Variants in COL6A5 observed in about 807,000 individuals in gnomAD.
COL6A5 encodes collagen alpha-5(VI) chain.
A neutral mutation model predicts 65.6 loss-of-function variants in COL6A5; 48 were observed. The observed-to-expected ratio is 0.73, with a 90% confidence interval of 0.58 to 0.93. The LOEUF (loss-of-function observed/expected upper bound fraction) is 0.93. Among genes scored for constraint, COL6A5 ranks in the 40% least tolerant of loss-of-function variants. The pLI is 0.00. For synonymous variants in COL6A5, 291 were observed against 322.8 expected, an observed-to-expected ratio of 0.90 and a Z score of 1.05; for missense variants, 914 against 928.3, an observed-to-expected ratio of 0.98 and a Z score of 0.20.
chr3:130,475,161 G>T (rs975189169), intron 7 of COL6A5, among the ~76,000 whole-genome samples: 2 of 151,766 alleles, frequency 1.3e-5, no homozygotes, highest in Admixed American at 1.3e-4. Flanking sequence ...GTATCAGAGG[G>T]TCTAACATTT....
chr3:130,416,701 G>A, intron 23 of COL6A5, 56 bp from the exon 24 acceptor site: 4 of 968,266 alleles, frequency 4.1e-6, no homozygotes, highest in Non-Finnish European at 6.3e-6. Context: ...TGTTTCTAAT[G>A]GGCTTTCTAA....
At chr3:130,378,964 C>T (rs575123682) in intron 3 of COL6A5, among the ~76,000 whole-genome samples, 1 of 152,160 alleles carries the variant, frequency 6.6e-6, no homozygotes, top group Non-Finnish European at 1.5e-5. Context: ...TCTGCTAACT[C>T]ATCCCTGCAT....
rs555143119 is a variant in COL6A5 at position 130,407,488 on chromosome 3, A to T, written c.4479+1167A>T. Among the ~76,000 whole-genome samples the T allele has an allele frequency of 2.6e-5, 4 of 152,378 alleles. No homozygotes were observed. The South Asian group carries it at 8.3e-4, about 32-fold the overall frequency. On this transcript the variant is annotated intron_variant and NMD_transcript_variant, in intron 17 of 41. Transcript: ENST00000312481. ...GATGCAAGACAAAGATGAGAGGCAG[A>T]TCTGTAGAAATCAGGTGAGAAGTGA... is the stretch of plus-strand genomic sequence containing the variant.
chr3:130,409,431 T>C, intron 18 of COL6A5, 43 bp downstream of exon 18: 1 of 1,466,564 alleles, frequency 6.8e-7, no homozygotes, highest in Non-Finnish European at 9.2e-7. Flanking sequence ...TTATACTTGC[T>C]CCACAGTTCC....
intron 1 of COL6A5, among the ~76,000 whole-genome samples, chr3:130,362,723 T>C (rs1295836686): frequency 6.6e-6 from 1 of 152,186 alleles, no homozygotes; most frequent in African/African-American, 2.4e-5. Context: ...TGGGAAGAAC[T>C]GACATCTTGA....
intron 7 of COL6A5, 119 bp from the exon 41 acceptor site, chr3:130,483,916 G>T: frequency 1.2e-6 from 1 of 846,992 alleles, no homozygotes. Context: ...TTTGACCATT[G>T]AAAATGACAA....
chr3:130,387,551 T>G (rs1391062), intron 5 of COL6A5, among the ~76,000 whole-genome samples: 1 of 151,936 alleles, frequency 6.6e-6, no homozygotes, highest in Admixed American at 6.6e-5. Flanking sequence ...GATGGTTCCA[T>G]GGCAGCTTGA....
upstream of COL6A5, chr3:130,431,460 T>C: frequency 1.3e-6 from 2 of 1,547,694 alleles, no homozygotes; most frequent in Non-Finnish European, 1.7e-6. Flanking sequence ...TTTTCTTTTT[T>C]CTAGAAAAAT....
In COL6A5 at chr3:130,365,717, GC is replaced by G. The variant is rs574542939; in HGVS notation, c.-28-7893del. ...TGTACCTCTGTGTTTTCTGTAGAGA[GC>G]TTGCTTACACCATTCAGGATGGCCT... On this transcript the variant is annotated intron_variant and NMD_transcript_variant, in intron 1 of 41. Coordinates refer to the COL6A5 transcript ENST00000312481. Among the ~76,000 whole-genome samples the G allele has an allele frequency of 2.3e-4, 35 of 152,316 alleles. No homozygotes were observed. The East Asian group carries it at 6.2e-3, about 27-fold the overall frequency.
chr3:130,470,678 A>G (rs1709927798), intron 6 of COL6A5, among the ~76,000 whole-genome samples, 193 bp from the exon 39 acceptor site: 1 of 152,106 alleles, frequency 6.6e-6, no homozygotes, highest in African/African-American at 2.4e-5. Flanking sequence ...TTATTTATTC[A>G]ATGACTGGCT....
At chr3:130,437,309 G>C (rs1252425831) in intron 1 of COL6A5, among the ~76,000 whole-genome samples, 1 of 151,938 alleles carries the variant, frequency 6.6e-6, no homozygotes, top group Non-Finnish European at 1.5e-5. Flanking sequence ...ATTGATATAA[G>C]TACTAATCTT....
At chr3:130,434,735 C>A (rs1937969299) in intron 1 of COL6A5, among the ~76,000 whole-genome samples, 1 of 152,144 alleles carries the variant, frequency 6.6e-6, no homozygotes, top group South Asian at 2.1e-4. Context: ...TAAATGTCTT[C>A]TTTTGAGAAG....
chr3:130,478,797 C>T (rs988341988), intron 7 of COL6A5, among the ~76,000 whole-genome samples: 2 of 151,982 alleles, frequency 1.3e-5, no homozygotes, highest in African/African-American at 4.8e-5. Context: ...CTTTTCGATC[C>T]TGTACATACT....
At chr3:130,396,017 A>T (rs1936589381) in intron 8 of COL6A5, among the ~76,000 whole-genome samples, 1 of 152,212 alleles carries the variant, frequency 6.6e-6, no homozygotes, top group Admixed American at 6.5e-5. Flanking sequence ...GAGGTCACAA[A>T]GGCAAATGGC....
chr3:130,382,688 C>T (rs551548531), intron 4 of COL6A5, among the ~76,000 whole-genome samples: 114 of 152,212 alleles, frequency 7.5e-4, no homozygotes, highest in African/African-American at 2.6e-3. Context: ...TCAGAATGAT[C>T]AACGCTCAGA....
chr3:130,397,573 T>C lies in COL6A5; in HGVS notation c.3569-10T>C. ...CTCGTTAATCTTGACTCTGTTCCCT[T>C]GGTTTCTAGATTGCTTTATGGACAT... On this transcript the variant is annotated splice_polypyrimidine_tract_variant and intron_variant and NMD_transcript_variant, in intron 8 of 41. Transcript: ENST00000312481. 1 of 1,535,862 alleles carries C rather than the reference T, an allele frequency of 6.5e-7. No individual in the cohort carries two copies.
intron 3 of COL6A5, among the ~76,000 whole-genome samples, chr3:130,443,209 T>A (rs1323604246): frequency 6.6e-6 from 1 of 152,130 alleles, no homozygotes; most frequent in East Asian, 1.9e-4. Context: ...AAAATCATGT[T>A]TCCCTGCATC....
chr3:130,416,742 TA>T lies in COL6A5; in HGVS notation c.4825-13del. On this transcript the variant is annotated splice_polypyrimidine_tract_variant and intron_variant and NMD_transcript_variant, in intron 23 of 41. Coordinates refer to the COL6A5 transcript ENST00000312481. ...ACTACGGTGCCAACATTTTAGTCTC[TA>T]ATTTTTTTTTCAGGGTTCTCCTGGG... The T allele has an allele frequency of 6.7e-7, 1 of 1,488,860 alleles. No individual in the cohort carries two copies. The highest frequency in any genetic ancestry group is 9.1e-7 in the Non-Finnish European group (1 of 1,099,348). The allele number at this position is 1,488,860 out of a possible 1,614,324, so 92.2% of individuals were successfully genotyped here.
At chr3:130,365,519 C>T (rs967014374) in intron 1 of COL6A5, among the ~76,000 whole-genome samples, 1 of 152,130 alleles carries the variant, frequency 6.6e-6, no homozygotes, top group Non-Finnish European at 1.5e-5. Flanking sequence ...CCTCGTGATC[C>T]GCCCGCCTCG....
Sources: gnomAD v4.1 joint callset for allele counts (sites outside exome capture counted in the v4.1 genomes callset) on GRCh38, gnomAD v4.1.1 for gene constraint, MANE v1.5 for transcripts, NCBI Gene and HGNC (gene_info 2026-07-23, HGNC 2026-07-21) for gene names.